Variants in NPHP4 observed in about 807,000 individuals in gnomAD.
NPHP4 encodes the protein nephrocystin-4.
In NPHP4, 151 loss-of-function variants were observed where a neutral mutation model predicts 155.8. The observed-to-expected ratio is 0.97, with a 90% CI of 0.85 to 1.11. The LOEUF is 1.11. NPHP4 is among the 50% of genes least tolerant of loss of function. The probability of loss-of-function intolerance (pLI) is 0.00; values close to 1 mark genes in which losing one functional copy is unlikely to be tolerated. For missense variants in NPHP4, 1,956 were observed against 1,925.7 expected, an observed-to-expected ratio of 1.02 and a Z score of -0.29; for synonymous variants, 845 against 816.8, an observed-to-expected ratio of 1.03 and a Z score of -0.59.
At chr1:5,913,664 G>A (rs2101409840) in intron 11 of NPHP4, among the ~76,000 whole-genome samples, 1 of 152,306 alleles carries the variant, frequency 6.6e-6, no homozygotes, top group Middle Eastern at 3.4e-3. Context: ...CGCCTGGAGG[G>A]GGCCCTGCAA....
In NPHP4 at chr1:5,910,089, G is replaced by T. The variant is rs1029024820; in HGVS notation, c.1442-876C>A. Among the ~76,000 whole-genome samples the T allele has an allele frequency of 6.6e-6, 1 of 152,180 alleles. No individual in the cohort carries two copies. The highest frequency in any genetic ancestry group is 1.5e-5 in the Non-Finnish European group (1 of 68,032). On this transcript the variant is annotated intron_variant, in intron 11 of 29. Transcript: ENST00000378156. The surrounding 1 kb of genome is among the most constrained non-coding windows in gnomAD (Gnocchi z 5.4). ...GGTGCTGGAGCGTCCATAGCCACTC[G>T]TCTCTTACGGTCATTTCACATACAC...
intron 9 of NPHP4, among the ~76,000 whole-genome samples, chr1:5,941,571 T>C (rs889803645): frequency 5.3e-5 from 8 of 151,150 alleles, no homozygotes; most frequent in Non-Finnish European, 1.2e-4. Flanking sequence ...CAAAGAACTT[T>C]TAATATTTGA....
intron 2 of NPHP4, among the ~76,000 whole-genome samples, chr1:5,985,824 A>G (rs527895593): frequency 7.9e-5 from 12 of 152,344 alleles, no homozygotes; most frequent in South Asian, 4.1e-4. Flanking sequence ...TGAAAATGTC[A>G]TAAGTTCAAA....
At position 5,933,280 on chromosome 1, in the gene NPHP4, C is replaced by T. The variant is rs146637048; in HGVS notation, c.1169G>A (p.Arg390His). The change falls in exon 10 of 30, where the codon CGC becomes CAC. Residue 390 changes from arginine to histidine, a missense_variant. Transcript: ENST00000378156. ...LSNLACMHMV[R>H]WAVWNPLLEA... Reference sequence around the variant, plus strand: ...CAGCAAGGGGTTCCAAACAGCCCAGCGGACCATGTGCATGCATGCCAGGTT... The same window carrying T: ...CAGCAAGGGGTTCCAAACAGCCCAGTGGACCATGTGCATGCATGCCAGGTT... 71 of 1,613,630 alleles carry T rather than the reference C, an allele frequency of 4.4e-5. No individual in the cohort carries two copies. In the East Asian group the frequency reaches 1.1e-3, roughly 25 times the overall value.
chr1:5,863,857 C>T, intron 29 of NPHP4, 33 bp downstream of exon 29: 1 of 1,612,242 alleles, frequency 6.2e-7, no homozygotes, highest in Non-Finnish European at 8.5e-7. Context: ...CCCGGGTCTT[C>T]CCCTAGGAGT....
intron 2 of NPHP4, 32 bp from the exon 3 acceptor site, chr1:5,978,445 G>T: frequency 6.3e-7 from 1 of 1,584,824 alleles, no homozygotes; most frequent in Middle Eastern, 1.7e-4. Flanking sequence ...ACCCTCAAGA[G>T]TCTGAGCACC....
intron 11 of NPHP4, among the ~76,000 whole-genome samples, chr1:5,913,392 CA>C (rs1047082811): frequency 4.6e-5 from 7 of 152,226 alleles, no homozygotes; most frequent in African/African-American, 9.6e-5. Flanking sequence ...CCCACCACGG[CA>C]GGTTTCTCCA....
At chr1:5,949,561 C>G (rs1423729032) in intron 7 of NPHP4, among the ~76,000 whole-genome samples, 1 of 152,118 alleles carries the variant, frequency 6.6e-6, no homozygotes, top group African/African-American at 2.4e-5. Context: ...CCAGCTGCTC[C>G]CAGGAAGGGC....
At position 5,903,307 on chromosome 1, in the gene NPHP4, T is replaced by C. The variant is rs143118910; in HGVS notation, c.2143+1310A>G. Among the ~76,000 whole-genome samples, 359 of 152,354 alleles carry C rather than the reference T, an allele frequency of 2.4e-3. 1 individual carries two copies. The highest frequency in any genetic ancestry group is 4.0e-3 in the Non-Finnish European group (274 of 68,030). On this transcript the variant is annotated intron_variant, in intron 16 of 29. Transcript: ENST00000378156. ...CAGAACTGTTTCTTTTCCTAGTGAATTACTTTCTTGGTTATTGTTTACCAG... is the reference window on the plus strand; with the variant it reads ...CAGAACTGTTTCTTTTCCTAGTGAACTACTTTCTTGGTTATTGTTTACCAG...
At chr1:5,911,418 CAG>C (rs1645173589) in intron 11 of NPHP4, among the ~76,000 whole-genome samples, 1 of 152,236 alleles carries the variant, frequency 6.6e-6, no homozygotes, top group South Asian at 2.1e-4. Flanking sequence ...TTATCTTCAG[CAG>C]AGACAGCGGG....
intron 23 of NPHP4, among the ~76,000 whole-genome samples, chr1:5,871,388 CG>C (rs1475445856): frequency 6.6e-6 from 1 of 152,154 alleles, no homozygotes. Flanking sequence ...CATGAGACGC[CG>C]CAAACATGGA....
intron 6 of NPHP4, among the ~76,000 whole-genome samples, chr1:5,958,225 T>C (rs1283496885): frequency 2.0e-5 from 3 of 152,208 alleles, no homozygotes; most frequent in Admixed American, 2.0e-4. Flanking sequence ...CAAGCTGCAT[T>C]GGCACTGGCC....
At chr1:5,888,532 A>G (rs748470438) in intron 17 of NPHP4, 14 of 1,343,400 alleles carry the variant, frequency 1.0e-5, no homozygotes, top group Non-Finnish European at 1.4e-5. Flanking sequence ...ACTCGTCTAC[A>G]CTGCATACGA....
intron 11 of NPHP4, among the ~76,000 whole-genome samples, chr1:5,926,566 G>A (rs1252281413): frequency 6.6e-6 from 1 of 152,124 alleles, no homozygotes; most frequent in African/African-American, 2.4e-5. Flanking sequence ...ACTGTATTAG[G>A]TATCTCAGAA....
chr1:5,947,903 C>T (rs1339452976), intron 8 of NPHP4, among the ~76,000 whole-genome samples, 167 bp downstream of exon 8: 3 of 152,128 alleles, frequency 2.0e-5, no homozygotes, highest in Admixed American at 6.5e-5. Flanking sequence ...TTTTTCCAAA[C>T]TTCCAACTCC....
rs757259910 is a variant in NPHP4, at chr1:5,905,486, G to A, written c.1764-3C>T. ...CTCTCGAGGGCTGCCCTGCAGAGCT[G>A]AGACACAGAGACTCCTCAGGTAGCC... On this transcript the variant is annotated splice_polypyrimidine_tract_variant and splice_region_variant and intron_variant, in intron 14 of 29. Transcript: ENST00000378156. This position sits in a 1 kb window ranked among gnomAD's most constrained non-coding sequence, Gnocchi z 4.0. 1 of 1,600,280 alleles carries A rather than the reference G, an allele frequency of 6.2e-7. No homozygotes were observed. Among genetic ancestry groups the A allele is most frequent in the South Asian group, 1.1e-5 (1 of 90,478 alleles).
Position 5,932,769 on chromosome 1 carries a change from A to C in NPHP4, c.1302+378T>G, listed in dbSNP as rs369316042. On this transcript the variant is annotated intron_variant, in intron 10 of 29. Coordinates refer to ENST00000378156, the MANE Select transcript of NPHP4 (RefSeq NM_015102.5). Reference sequence around the variant, plus strand: ...GTCACAAAGATAAGCCAGGGCTAGAAACCAGAACCGGCTCCCACCTCAGCA... The same window carrying C: ...GTCACAAAGATAAGCCAGGGCTAGACACCAGAACCGGCTCCCACCTCAGCA... Among the ~76,000 whole-genome samples, 4 of 152,170 alleles carry C rather than the reference A, an allele frequency of 2.6e-5. No homozygotes were observed. The East Asian group carries it at 7.7e-4, about 29-fold the overall frequency.
At chr1:5,989,915 G>C (rs1432992445) in intron 1 of NPHP4, among the ~76,000 whole-genome samples, 1 of 152,200 alleles carries the variant, frequency 6.6e-6, no homozygotes, top group East Asian at 1.9e-4. Flanking sequence ...TAGGCGGAAG[G>C]GCATCCATTC....
chr1:5,952,422 G>T (rs913679408), intron 7 of NPHP4, among the ~76,000 whole-genome samples: 2 of 152,222 alleles, frequency 1.3e-5, no homozygotes, highest in African/African-American at 4.8e-5. Context: ...ACAACTGGAG[G>T]CTCTGTGGGG....
Sources: gnomAD v4.1 joint callset for allele counts (sites outside exome capture counted in the v4.1 genomes callset) on GRCh38, gnomAD v4.1.1 for gene constraint, Gnocchi (gnomAD v3.1) non-coding constraint, MANE v1.5 for transcripts, NCBI Gene and HGNC (gene_info 2026-07-23, HGNC 2026-07-21) for gene names.